ZCCHC7: variants seen among roughly 807,000 people sequenced by gnomAD.
The protein encoded by ZCCHC7 is zinc finger CCHC-type containing 7.
In ZCCHC7, 35 loss-of-function variants were observed where a neutral mutation model predicts 52.0. The observed-to-expected ratio is 0.67, with a 90% CI of 0.51 to 0.89. The LOEUF is 0.89. Among genes scored for constraint, ZCCHC7 ranks in the 40% least tolerant of loss-of-function variants. The pLI is 0.00. For synonymous variants in ZCCHC7, 217 were observed against 221.5 expected (o/e 0.98, Z 0.18); for missense variants, 574 against 649.1 (o/e 0.88, Z 1.26).
intron 2 of ZCCHC7, among the ~76,000 whole-genome samples, chr9:37,238,715 C>T (rs139953133): frequency 6.6e-6 from 1 of 152,194 alleles, no homozygotes; most frequent in African/African-American, 2.4e-5. Flanking sequence ...TCAACTGTTT[C>T]TTTCTGTGCT....
intron 2 of ZCCHC7, among the ~76,000 whole-genome samples, chr9:37,249,878 G>A (rs879347141): frequency 1.3e-5 from 2 of 152,156 alleles, no homozygotes; most frequent in Non-Finnish European, 2.9e-5. Flanking sequence ...GAGATGTGTA[G>A]AGTATGGTCC....
rs1197292076 is a variant in ZCCHC7 at position 37,354,879 on chromosome 9, T to C, written c.1198+55T>C. On this transcript the variant is annotated intron_variant, in intron 8 of 8. Transcript: ENST00000336755. This position sits in a 1 kb window ranked among gnomAD's most constrained non-coding sequence, Gnocchi z 4.0. ...ATTTGCAGTAGTTTCTAAATTTCTTTGTTTGTACTGTCTTTGCCTGCTTTG... is the reference window on the plus strand; with the variant it reads ...ATTTGCAGTAGTTTCTAAATTTCTTCGTTTGTACTGTCTTTGCCTGCTTTG... 4 of 1,199,474 alleles carry C rather than the reference T, an allele frequency of 3.3e-6. No individual in the cohort carries two copies. In the African/African-American group the frequency reaches 4.5e-5, roughly 14 times the overall value. 74.3% of individuals were successfully genotyped at this position (1,199,474 alleles called of 1,614,324 possible).
At chr9:37,255,462 G>A (rs1826541046) in intron 2 of ZCCHC7, among the ~76,000 whole-genome samples, 1 of 152,096 alleles carries the variant, frequency 6.6e-6, no homozygotes, top group African/African-American at 2.4e-5. Flanking sequence ...CATGGGGACA[G>A]TGCAAGATTT....
Position 37,130,552 on chromosome 9 carries a change from G to A in ZCCHC7, c.610+3610G>A, listed in dbSNP as rs539597749. 3.6e-3 allele frequency among the ~76,000 whole-genome samples: 548 copies of A among 150,428 alleles called. 4 individuals are homozygous for A. Among genetic ancestry groups the A allele is most frequent in the African/African-American group, 0.013 (531 of 40,938 alleles). On this transcript the variant is annotated intron_variant, in intron 2 of 8. Coordinates refer to ENST00000336755, the MANE Select transcript of ZCCHC7 (RefSeq NM_032226.3). ...CTGTCGCCCAGGCTGGAGTGCAATG[G>A]CATGATCTCGGCTCACTGCAAGCTG...
At chr9:37,310,600 A>G (rs1829541614) in intron 5 of ZCCHC7, among the ~76,000 whole-genome samples, 2 of 152,214 alleles carry the variant, frequency 1.3e-5, no homozygotes, top group Non-Finnish European at 2.9e-5. Context: ...AAAAGCTAAA[A>G]TGATGCTATA....
At chr9:37,264,951 T>C in intron 2 of ZCCHC7, among the ~76,000 whole-genome samples, 1 of 152,240 alleles carries the variant, frequency 6.6e-6, no homozygotes, top group East Asian at 1.9e-4. Context: ...TATCTATGTG[T>C]TCTTGCATTT....
At chr9:37,154,894 T>A (rs1254897481) in intron 2 of ZCCHC7, among the ~76,000 whole-genome samples, 1 of 152,246 alleles carries the variant, frequency 6.6e-6, no homozygotes, top group African/African-American at 2.4e-5. Context: ...ACTTTTAACT[T>A]CTTCAGATTT....
At chr9:37,320,987 C>CTTTTTTTTTTTTTTTTTTTTTTTTT (rs11303114) in intron 5 of ZCCHC7, among the ~76,000 whole-genome samples, 1 of 116,226 alleles carries the variant, frequency 8.6e-6, no homozygotes, top group Non-Finnish European at 1.8e-5. Context: ...TTTCTTTTTT[C>CTTTTTTTTTTTTTTTTTTTTTTTTT]TTTTTTTTTT....
rs1247192575 is a variant in ZCCHC7 at position 37,323,615 on chromosome 9, C to A, written c.952-4184C>A. ...CTCTTTATCAAGAATGGCAAATTTT[C>A]ATGCAGAATAGAAGTATAATAAGCA... is the stretch of plus-strand genomic sequence containing the variant. On this transcript the variant is annotated intron_variant, in intron 5 of 8. Coordinates refer to ENST00000336755, the MANE Select transcript of ZCCHC7 (RefSeq NM_032226.3). Among the ~76,000 whole-genome samples, 7 of 152,106 alleles carry A rather than the reference C, an allele frequency of 4.6e-5. No individual in the cohort carries two copies. In the South Asian group the frequency reaches 1.2e-3, roughly 27 times the overall value.
At chr9:37,207,698 C>A (rs1038896274) in intron 2 of ZCCHC7, among the ~76,000 whole-genome samples, 1 of 151,744 alleles carries the variant, frequency 6.6e-6, no homozygotes, top group South Asian at 2.1e-4. Context: ...GATCTATGTT[C>A]ATGCCTACTA....
intron 2 of ZCCHC7, among the ~76,000 whole-genome samples, chr9:37,167,613 A>C (rs1821495758): frequency 6.6e-6 from 1 of 152,208 alleles, no homozygotes; most frequent in Non-Finnish European, 1.5e-5. Flanking sequence ...TAGAAGCCAG[A>C]CATTAATTTT....
At chr9:37,228,954 G>A (rs1307906648) in intron 2 of ZCCHC7, among the ~76,000 whole-genome samples, 1 of 150,760 alleles carries the variant, frequency 6.6e-6, no homozygotes, top group Non-Finnish European at 1.5e-5. Flanking sequence ...TCCTGCCTCA[G>A]CCTCTCGAGT....
Position 37,155,062 on chromosome 9 carries a change from G to A in ZCCHC7, c.610+28120G>A, listed in dbSNP as rs138372254. 3.6e-3 allele frequency among the ~76,000 whole-genome samples: 544 copies of A among 152,224 alleles called. 6 individuals carry two copies. The highest frequency in any genetic ancestry group is 0.018 in the South Asian group (85 of 4,822). On this transcript the variant is annotated intron_variant, in intron 2 of 8. Coordinates refer to ENST00000336755, the MANE Select transcript of ZCCHC7 (RefSeq NM_032226.3). ...GTTCTGGCTACACTGGTTATTGGAA[G>A]ACATTTAAAGATGGCGGGCGGGGTG... is the stretch of plus-strand genomic sequence containing the variant.
intron 2 of ZCCHC7, among the ~76,000 whole-genome samples, chr9:37,215,192 T>G (rs1824440607): frequency 6.6e-6 from 1 of 152,174 alleles, no homozygotes; most frequent in African/African-American, 2.4e-5. Flanking sequence ...GTTTTTCAAT[T>G]TGTTTTAATG....
intron 2 of ZCCHC7, among the ~76,000 whole-genome samples, chr9:37,210,796 A>G (rs879635977): frequency 6.6e-6 from 1 of 152,178 alleles, no homozygotes; most frequent in Non-Finnish European, 1.5e-5. Context: ...CCAGATTTCT[A>G]TCCTCAACCT....
intron 5 of ZCCHC7, among the ~76,000 whole-genome samples, chr9:37,317,843 AC>A (rs11294970): frequency 0.54 from 71,368 of 131,436 alleles, 18,129 homozygotes; most frequent in African/African-American, 0.62. Context: ...ACTCCCCCCG[AC>A]CCCCCCCAAA....
At chr9:37,264,445 A>G (rs929082547) in intron 2 of ZCCHC7, among the ~76,000 whole-genome samples, 48 of 128,334 alleles carry the variant, frequency 3.7e-4, no homozygotes, top group African/African-American at 1.4e-3. Context: ...ACTGATGAAG[A>G]TATTTTAAAT....
chr9:37,201,488 T>TGAGGAAAAAAAA (rs1196436797), intron 2 of ZCCHC7, among the ~76,000 whole-genome samples: 1 of 152,212 alleles, frequency 6.6e-6, no homozygotes. Flanking sequence ...ATTAGAGCTT[T>TGAGGAAAAAAAA]ATTGAGGAGG....
At chr9:37,223,570 G>A (rs189203939) in intron 2 of ZCCHC7, among the ~76,000 whole-genome samples, 2 of 152,132 alleles carry the variant, frequency 1.3e-5, no homozygotes, top group East Asian at 3.9e-4. Flanking sequence ...TAGTAACAAT[G>A]GTTGCACAAC....
Sources: gnomAD v4.1 joint callset for allele counts (sites outside exome capture counted in the v4.1 genomes callset) on GRCh38, gnomAD v4.1.1 for gene constraint, Gnocchi (gnomAD v3.1) non-coding constraint, MANE v1.5 for transcripts, NCBI Gene and HGNC (gene_info 2026-07-23, HGNC 2026-07-21) for gene names.